The following FREM1 variants were observed in gnomAD, a reference collection of about 807,000 sequenced individuals.
FREM1 encodes FRAS1-related extracellular matrix protein 1.
A neutral mutation model predicts 210.1 loss-of-function variants in FREM1; 220 were observed. The observed-to-expected ratio is 1.05, with a 90% CI of 0.94 to 1.17. The LOEUF is 1.17. Among genes scored for constraint, FREM1 ranks in the 50% most tolerant of loss-of-function variants. The pLI, the probability that FREM1 is intolerant of heterozygous loss-of-function variation, is 0.00. For synonymous variants in FREM1, 1,189 were observed against 980.2 expected (o/e 1.21, Z -3.98); for missense variants, 3,454 against 2,675.5 (o/e 1.29, Z -6.42).
chr9:14,775,878 A>T lies in FREM1; in HGVS notation c.4768T>A (p.Cys1590Ser). Residue 1590 changes from cysteine (C) to serine (S), a missense_variant, in exon 25 of 37, where the codon TGC becomes AGC. By Grantham distance (112) the Cys-to-Ser change is moderately radical (BLOSUM62 -1). Coordinates refer to ENST00000380880, the MANE Select transcript of FREM1 (RefSeq NM_001379081.2). ...CCATCTGTGGCCATGAAAGTAAAGCAGTCAGTCTGGGAGTCCCCTCCTGAG... is the reference window on the plus strand; with the variant it reads ...CCATCTGTGGCCATGAAAGTAAAGCTGTCAGTCTGGGAGTCCCCTCCTGAG... ...RHSGGDSQTD[C>S]FTFMATDGTN... The T allele has an allele frequency of 6.2e-7, 1 of 1,613,936 alleles. No homozygotes were observed. The highest frequency in any genetic ancestry group is 8.5e-7 in the Non-Finnish European group (1 of 1,179,818).
At chr9:14,864,137 G>C (rs1420812543) in intron 2 of FREM1, among the ~76,000 whole-genome samples, 1 of 152,132 alleles carries the variant, frequency 6.6e-6, no homozygotes, top group Non-Finnish European at 1.5e-5. Flanking sequence ...AACCAAAGCA[G>C]TTCAAGAAAA....
At position 14,823,142 on chromosome 9, in the gene FREM1, A is replaced by G. The variant is rs753566604; in HGVS notation, c.2337+18T>C. On this transcript the variant is annotated intron_variant, in intron 13 of 36. Transcript: ENST00000380880. ...TCTTTTCCTCCTTTTCATCCTCTAT[A>G]TAGAACATTGTACATACCTCAGGAA... The G allele has an allele frequency of 3.7e-6, 6 of 1,602,824 alleles. No individual in the cohort carries two copies. The Admixed American group carries it at 1.0e-4, about 27-fold the overall frequency.
chr9:14,773,397 G>C (rs1345538991), intron 25 of FREM1, among the ~76,000 whole-genome samples: 2 of 152,178 alleles, frequency 1.3e-5, no homozygotes, highest in East Asian at 1.9e-4. Context: ...ATTTGGGACA[G>C]TTTATCACTC....
chr9:14,842,251 T>C, intron 9 of FREM1, 65 bp downstream of exon 9: 1 of 992,110 alleles, frequency 1.0e-6, no homozygotes, highest in Non-Finnish European at 1.5e-6. Context: ...CCCAGAAGGA[T>C]GCATAGAAGG....
intron 10 of FREM1, among the ~76,000 whole-genome samples, chr9:14,840,045 T>C (rs561629278): frequency 6.6e-6 from 1 of 152,348 alleles, no homozygotes; most frequent in East Asian, 1.9e-4. Flanking sequence ...TTAATAGGGA[T>C]TACCTATTGC....
chr9:14,823,298 G>A lies in FREM1; in HGVS notation c.2199C>T (p.Tyr733=). 2 of 1,613,904 alleles carry A rather than the reference G, an allele frequency of 1.2e-6. No homozygotes were observed. Among genetic ancestry groups the A allele is most frequent in the South Asian group, 2.2e-5 (2 of 91,074 alleles). The change falls in exon 13 of 37, where the codon TAC becomes TAT. Residue 733 remains tyrosine (Y), a synonymous_variant. Coordinates refer to ENST00000380880, the MANE Select transcript of FREM1 (RefSeq NM_001379081.2). ...GACCAATGTCTTGCATGGGGGGCATGTAGGCCACTTTCATATAGTTCACAG... is the reference window on the plus strand; with the variant it reads ...GACCAATGTCTTGCATGGGGGGCATATAGGCCACTTTCATATAGTTCACAG... ...QHAVNYMKVA[Y]MPPMQDIGPH...
Position 14,789,118 on chromosome 9 carries a change from G to A in FREM1, c.3982-4C>T, listed in dbSNP as rs868191617. The A allele has an allele frequency of 3.2e-6, 5 of 1,571,822 alleles. No individual in the cohort carries two copies. In the African/African-American group the frequency reaches 5.4e-5, roughly 17 times the overall value. The stretch of plus-strand genomic sequence containing the variant: ...GAGGAACCCAGTCCCTCCCTATCTG[G>A]AAGGAGCCAGAGTTAGTCAGCTGCT... On this transcript the variant is annotated splice_region_variant and splice_polypyrimidine_tract_variant and intron_variant, in intron 22 of 36. Coordinates refer to ENST00000380880, the MANE Select transcript of FREM1 (RefSeq NM_001379081.2).
intron 25 of FREM1, 45 bp downstream of exon 25, chr9:14,775,744 C>T (rs1848440323): frequency 1.2e-6 from 1 of 854,012 alleles, no homozygotes. Context: ...CTCGATGTCA[C>T]TGTTTTCACA....
chr9:14,875,334 T>G (rs899837956), intron 1 of FREM1, among the ~76,000 whole-genome samples: 1 of 152,228 alleles, frequency 6.6e-6, no homozygotes, highest in Non-Finnish European at 1.5e-5. Flanking sequence ...GATTTGGTCT[T>G]TTCACATAGT....
At chr9:14,887,267 C>A (rs969885283) in intron 1 of FREM1, among the ~76,000 whole-genome samples, 2 of 152,134 alleles carry the variant, frequency 1.3e-5, no homozygotes, top group African/African-American at 4.8e-5. Flanking sequence ...CCTTACAACT[C>A]CCTGAGGTTA....
Position 14,775,801 on chromosome 9 carries a change from T to A in FREM1, c.4845A>T (p.Leu1615Phe). 6.2e-7 allele frequency: 1 copy of A among 1,607,406 alleles called. No homozygotes were observed. The highest frequency in any genetic ancestry group is 1.1e-5 in the South Asian group (1 of 90,814). The change falls in exon 25 of 37, where the codon TTA becomes TTT. Residue 1615 changes from leucine to phenylalanine, a missense_variant. Coordinates refer to ENST00000380880, the MANE Select transcript of FREM1 (RefSeq NM_001379081.2). ...TTTTCATACTTGCCTGAATGGTGAA[T>A]AAAACAGGTTCTTCCCACACTCTCC... ...VNGRVWEEPV[L>F]FTIQVDQLDK...
rs191210299 is a variant in FREM1 at position 14,816,017 on chromosome 9, G to C, written c.2640+761C>G. Among the ~76,000 whole-genome samples, 588 of 152,064 alleles carry C rather than the reference G, an allele frequency of 3.9e-3. 5 individuals are homozygous for C. Among genetic ancestry groups the C allele is most frequent in the African/African-American group, 0.013 (550 of 41,480 alleles). On this transcript the variant is annotated intron_variant, in intron 15 of 36. Coordinates refer to ENST00000380880, the MANE Select transcript of FREM1 (RefSeq NM_001379081.2). ...GAAATATGATTAAATCCTCATGCTA[G>C]GACTATATGGTACAGGAACTCACAA...
At chr9:14,847,793 T>C (rs1454102494) in intron 7 of FREM1, among the ~76,000 whole-genome samples, 1 of 151,930 alleles carries the variant, frequency 6.6e-6, no homozygotes, top group East Asian at 1.9e-4. Flanking sequence ...GTACAGACTA[T>C]TCCATCTCTA....
intron 27 of FREM1, among the ~76,000 whole-genome samples, chr9:14,764,354 C>T (rs1846024477): frequency 6.6e-6 from 1 of 152,068 alleles, no homozygotes; most frequent in Non-Finnish European, 1.5e-5. Flanking sequence ...TATTTTTCTC[C>T]CCAACCTTAC....
intron 5 of FREM1, among the ~76,000 whole-genome samples, chr9:14,851,986 T>C (rs948263641): frequency 2.0e-5 from 3 of 152,194 alleles, no homozygotes; most frequent in African/African-American, 7.2e-5. Context: ...TTCAGTCTCA[T>C]TTTCTTTCCA....
intron 27 of FREM1, 70 bp from the exon 28 acceptor site, chr9:14,759,971 G>A (rs1265552788): frequency 6.9e-6 from 9 of 1,305,760 alleles, no homozygotes; most frequent in African/African-American, 4.5e-5. Flanking sequence ...TCTGCTGAGC[G>A]GACTAGTGGA....
In FREM1 at chr9:14,750,270, G is replaced by C. The variant is rs1421549126; in HGVS notation, c.5414C>G (p.Ser1805Ter). 1 of 1,607,536 alleles carries C rather than the reference G, an allele frequency of 6.2e-7. No individual in the cohort carries two copies. The change falls in exon 30 of 37, where the codon TCA becomes TGA. Residue 1805 changes from serine to a stop codon, truncating the protein, a stop_gained. Coordinates refer to ENST00000380880, the MANE Select transcript of FREM1 (RefSeq NM_001379081.2). LOFTEE classifies it high-confidence loss of function. ...AATTGCTATATTCCACATCTTAGTT[G>C]ACATTCCTACAAGAAGTAAACATTT... is the stretch of plus-strand genomic sequence containing the variant. ...SKLIQFDPGM[S>*]TKMWNIAITY...
intron 20 of FREM1, among the ~76,000 whole-genome samples, chr9:14,800,820 A>T (rs917027989): frequency 6.6e-6 from 1 of 152,212 alleles, no homozygotes; most frequent in African/African-American, 2.4e-5. Flanking sequence ...TGAATAAAGT[A>T]GGTGAATGCT....
rs1817345223 is a variant in FREM1 at position 14,801,827 on chromosome 9, A to G, written c.3519T>C (p.Ala1173=). The G allele has an allele frequency of 6.2e-7, 1 of 1,613,972 alleles. No individual in the cohort carries two copies. The highest frequency in any genetic ancestry group is 2.2e-5 in the East Asian group (1 of 44,880). ...MKELDSSIIS[A]VDLDIPQDAL... ...CATCCTGGGGAATGTCCAGGTCCAC[A>G]GCGCTGATGATGGAAGAGTCCAGCT... The change falls in exon 20 of 37, where the codon GCT becomes GCC. Residue 1173 remains alanine, a synonymous_variant. Transcript: ENST00000380880.
Sources: allele counts gnomAD v4.1 joint callset (sites outside exome capture counted in the v4.1 genomes callset), GRCh38; gene constraint gnomAD v4.1.1; transcripts MANE v1.5; gene names NCBI Gene and HGNC (gene_info 2026-07-23, HGNC 2026-07-21).